CD9: variants seen among roughly 807,000 people sequenced by gnomAD.
The protein encoded by CD9 is CD9 molecule.
Under a neutral mutation model 31.4 loss-of-function variants are expected in CD9, and 10 were observed. The observed-to-expected ratio is 0.32, with a 90% CI of 0.20 to 0.54. The LOEUF is 0.54. Ranked by LOEUF, CD9 falls within the 20% of genes least tolerant of loss-of-function variation. The probability of loss-of-function intolerance (pLI) is 0.94; values close to 1 mark genes in which losing one functional copy is unlikely to be tolerated. For synonymous variants in CD9, 113 were observed against 114.1 expected (o/e 0.99, Z 0.06); for missense variants, 259 against 300.1 (o/e 0.86, Z 1.01).
chr12:6,236,636 G>T (rs996587291), intron 7 of CD9: 5 of 422,974 alleles, frequency 1.2e-5, no homozygotes, highest in Non-Finnish European at 2.1e-5. Flanking sequence ...AGAGGCTACC[G>T]GCGTGGGAAT....
In CD9 at chr12:6,216,928, G is replaced by T. The variant is rs186067676; in HGVS notation, c.67-8498G>T. ...TTTTTTTCCCTATGGAATCCGGCTGGCTGTAACACTTCACAGTTTTCAGAA... is the reference window on the plus strand; with the variant it reads ...TTTTTTTCCCTATGGAATCCGGCTGTCTGTAACACTTCACAGTTTTCAGAA... On this transcript the variant is annotated intron_variant, in intron 1 of 7. Transcript: ENST00000009180. 9.9e-4 allele frequency among the ~76,000 whole-genome samples: 151 copies of T among 152,234 alleles called. 1 individual carries two copies. The highest frequency in any genetic ancestry group is 3.5e-3 in the African/African-American group (144 of 41,534).
intron 1 of CD9, among the ~76,000 whole-genome samples, chr12:6,207,473 C>T (rs187882340): frequency 4.7e-4 from 72 of 152,344 alleles, no homozygotes; most frequent in African/African-American, 1.7e-3. Flanking sequence ...AATGAGTGCT[C>T]TGTATTTCTA....
At chr12:6,230,634 C>A (rs1181764676) in intron 2 of CD9, among the ~76,000 whole-genome samples, 1 of 152,204 alleles carries the variant, frequency 6.6e-6, no homozygotes, top group Non-Finnish European at 1.5e-5. Context: ...GAAACTGGGG[C>A]CTTTCTACTG....
chr12:6,236,536 G>T (rs1164701571), intron 7 of CD9: 3 of 522,178 alleles, frequency 5.7e-6, no homozygotes, highest in Non-Finnish European at 1.0e-5. Context: ...TAAGGTTCAG[G>T]GCACATGGGT....
intron 1 of CD9, among the ~76,000 whole-genome samples, chr12:6,210,900 G>C (rs2136606818): frequency 6.7e-6 from 1 of 149,934 alleles, no homozygotes; most frequent in East Asian, 2.0e-4. Flanking sequence ...GCAGTGGCGT[G>C]GTCTTGGGTC....
Position 6,234,025 on chromosome 12 carries a change from C to T in CD9, c.348+539C>T, listed in dbSNP as rs371143770. ...TAAGGGTCATAGAGGTGATTTATAT[C>T]CAAAGTACTATGGGATTTGAAAAGG... On this transcript the variant is annotated intron_variant, in intron 4 of 7. Transcript: ENST00000009180. Among the ~76,000 whole-genome samples, 132 of 149,570 alleles carry T rather than the reference C, an allele frequency of 8.8e-4. 4 individuals are homozygous for T. In the South Asian group the frequency reaches 0.027, roughly 31 times the overall value.
At chr12:6,202,959 T>A (rs1946092891) in intron 1 of CD9, among the ~76,000 whole-genome samples, 1 of 152,206 alleles carries the variant, frequency 6.6e-6, no homozygotes, top group Non-Finnish European at 1.5e-5. Flanking sequence ...AGTAGCTATG[T>A]TTTCCTGAAT....
At chr12:6,203,150 G>A (rs1372371684) in intron 1 of CD9, among the ~76,000 whole-genome samples, 1 of 152,152 alleles carries the variant, frequency 6.6e-6, no homozygotes, top group African/African-American at 2.4e-5. Flanking sequence ...CCACTGTACT[G>A]ATGATCAGGA....
chr12:6,217,935 A>G (rs1198667988), intron 1 of CD9, among the ~76,000 whole-genome samples: 1 of 152,072 alleles, frequency 6.6e-6, no homozygotes, highest in Non-Finnish European at 1.5e-5. Flanking sequence ...TGTCCTTTTT[A>G]AAAAATGGGC....
At chr12:6,200,245 G>C (rs1227789296), upstream of CD9, 4 of 188,936 alleles carry the variant, frequency 2.1e-5, no homozygotes, top group South Asian at 6.0e-4. Flanking sequence ...CGGGGGCGGG[G>C]GGCGGGGGGG....
intron 1 of CD9, among the ~76,000 whole-genome samples, chr12:6,220,722 T>G (rs917761044): frequency 6.6e-6 from 1 of 152,250 alleles, no homozygotes; most frequent in Non-Finnish European, 1.5e-5. Flanking sequence ...TATTGTTTTA[T>G]ACACTTTGTT....
At chr12:6,213,231 A>G (rs536123995) in intron 1 of CD9, among the ~76,000 whole-genome samples, 4 of 152,320 alleles carry the variant, frequency 2.6e-5, no homozygotes, top group East Asian at 1.9e-4. Context: ...GAGGTTGTCT[A>G]AGTGTTCACA....
intron 1 of CD9, among the ~76,000 whole-genome samples, chr12:6,207,065 A>G (rs769382886): frequency 2.6e-5 from 4 of 152,058 alleles, no homozygotes. Flanking sequence ...ATTTTTTTGT[A>G]CAGAGAGGGT....
rs1263174788 is a variant in CD9 at position 6,238,043 on chromosome 12, T to A, written c.*215T>A. ...ATTTGTAGTTGAGCGGGGGGTTTGG[T>A]TTGCTTTGGTTTATATTTTTTCAGT... On this transcript the variant is annotated 3_prime_UTR_variant, in exon 8 of 8. Transcript: ENST00000009180. The A allele has an allele frequency of 2.2e-6, 1 of 454,646 alleles. No individual in the cohort carries two copies. The highest frequency in any genetic ancestry group is 4.0e-6 in the Non-Finnish European group (1 of 250,620). The allele number at this position is 454,646 out of a possible 1,614,324, so 28.2% of individuals were successfully genotyped here.
At chr12:6,216,401 G>T (rs1946242990) in intron 1 of CD9, among the ~76,000 whole-genome samples, 1 of 152,150 alleles carries the variant, frequency 6.6e-6, no homozygotes, top group Admixed American at 6.5e-5. Context: ...TTTAGTAGAT[G>T]ACAAAAACAA....
At chr12:6,212,452 C>A (rs1216399936) in intron 1 of CD9, among the ~76,000 whole-genome samples, 1 of 152,206 alleles carries the variant, frequency 6.6e-6, no homozygotes, top group Admixed American at 6.5e-5. Flanking sequence ...CCTGCACCAG[C>A]CTGAGGCCAG....
At chr12:6,201,462 C>T (rs1185357910) in intron 1 of CD9, among the ~76,000 whole-genome samples, 1 of 152,232 alleles carries the variant, frequency 6.6e-6, no homozygotes, top group African/African-American at 2.4e-5. Context: ...AGGCGGCCCA[C>T]CCAAGGCCAG....
intron 2 of CD9, 44 bp downstream of exon 2, chr12:6,225,578 A>G (rs1240213723): frequency 2.3e-6 from 3 of 1,314,988 alleles, no homozygotes; most frequent in South Asian, 2.4e-5. Context: ...CCTGGCTCCA[A>G]CAAAGTTCCT....
At chr12:6,215,135 G>A (rs573275255) in intron 1 of CD9, among the ~76,000 whole-genome samples, 4 of 152,108 alleles carry the variant, frequency 2.6e-5, no homozygotes, top group Admixed American at 6.6e-5. Context: ...TCTCCAGATC[G>A]GAGTGTAAAG....
Sources: gnomAD v4.1 joint callset for allele counts (sites outside exome capture counted in the v4.1 genomes callset) on GRCh38, gnomAD v4.1.1 for gene constraint, MANE v1.5 for transcripts, NCBI Gene and HGNC (gene_info 2026-07-23, HGNC 2026-07-21) for gene names.